The following CEP128 variants were observed in gnomAD, a reference collection of about 807,000 sequenced individuals.
CEP128 encodes centrosomal protein 128, also known as centrosomal protein 128kDa.
CEP128 carries 132 observed loss-of-function variants against 156.7 expected under a neutral mutation model. The observed-to-expected ratio is 0.84, with a 90% CI of 0.73 to 0.97. CEP128 has a LOEUF of 0.97. Ranked by LOEUF, CEP128 falls within the 50% of genes least tolerant of loss-of-function variation. The pLI, the probability that CEP128 is intolerant of heterozygous loss-of-function variation, is 0.00. For synonymous variants in CEP128, 469 were observed against 448.9 expected (o/e 1.04, Z -0.57); for missense variants, 1,252 against 1,281.9 (o/e 0.98, Z 0.36).
chr14:80,539,606 G>C (rs534690232), intron 21 of CEP128, among the ~76,000 whole-genome samples: 4 of 152,218 alleles, frequency 2.6e-5, no homozygotes, highest in African/African-American at 9.6e-5. Flanking sequence ...ATGTGTGTTT[G>C]AACAATATGA....
chr14:80,501,906 G>T lies in CEP128; in HGVS notation c.3181+3006C>A, dbSNP rs533124246. Among the ~76,000 whole-genome samples, 4 of 152,120 alleles carry T rather than the reference G, an allele frequency of 2.6e-5. No individual in the cohort carries two copies. In the South Asian group the frequency reaches 8.3e-4, roughly 32 times the overall value. ...CTCCATAAGACACGTCCACAAGTGT[G>T]CCTGTCAGTTTATCATTGCCACGGC... On this transcript the variant is annotated intron_variant, in intron 24 of 24. Coordinates refer to ENST00000555265, the MANE Select transcript of CEP128 (RefSeq NM_152446.5).
intron 13 of CEP128, among the ~76,000 whole-genome samples, chr14:80,809,276 A>G (rs1471848681): frequency 1.3e-5 from 2 of 152,168 alleles, no homozygotes; most frequent in Non-Finnish European, 2.9e-5. Context: ...AGCTGAAGAG[A>G]GAATCTCAGA....
At chr14:80,782,195 C>A (rs979051771) in intron 15 of CEP128, among the ~76,000 whole-genome samples, 1 of 152,162 alleles carries the variant, frequency 6.6e-6, no homozygotes, top group Non-Finnish European at 1.5e-5. Flanking sequence ...CCAATTAATG[C>A]CTTCACAATA....
intron 19 of CEP128, among the ~76,000 whole-genome samples, chr14:80,612,859 GT>G (rs1233035424): frequency 6.6e-6 from 1 of 151,618 alleles, no homozygotes; most frequent in Non-Finnish European, 1.5e-5. Flanking sequence ...TTTTGTTTTT[GT>G]TTTTTTCATC....
intron 19 of CEP128, among the ~76,000 whole-genome samples, chr14:80,704,853 A>C (rs1316900750): frequency 6.6e-6 from 1 of 151,854 alleles, no homozygotes; most frequent in Non-Finnish European, 1.5e-5. Context: ...TTTATTGTAG[A>C]AATTTTCAAG....
At position 80,526,984 on chromosome 14, in the gene CEP128, T is replaced by TG. The variant is rs749913063; in HGVS notation, c.2959-3dup. ...TCTCTCAGATGAACTGCAGGAATCC[T>TG]GGAAAAAAAAAAAAGCAAAGGGTCT... On this transcript the variant is annotated splice_region_variant and splice_polypyrimidine_tract_variant and intron_variant, in intron 22 of 24. Transcript: ENST00000555265. The TG allele has an allele frequency of 5.5e-6, 7 of 1,263,538 alleles. No individual in the cohort carries two copies. The Admixed American group carries it at 1.0e-4, about 19-fold the overall frequency. The allele number at this position is 1,263,538 out of a possible 1,614,324, so 78.3% of individuals were successfully genotyped here.
chr14:80,821,438 G>T (rs1329857178), intron 13 of CEP128, among the ~76,000 whole-genome samples: 4 of 152,010 alleles, frequency 2.6e-5, no homozygotes, highest in African/African-American at 4.8e-5. Flanking sequence ...TTTGTTTAGT[G>T]CCACCCTTTT....
rs773938920 is a variant in CEP128 at position 80,785,422 on chromosome 14, A to G, written c.1684T>C (p.Ser562Pro). Residue 562 changes from serine (S) to proline (P), a missense_variant, in exon 15 of 25, where the codon TCC becomes CCC. Transcript: ENST00000555265. ...KRALQEEELH[S>P]KEEKLRDIKS... ...ATATCACGTAATTTCTCCTCCTTGG[A>G]GTGAAGCTCCTCCTCCTGAAGGGCA... 2.5e-6 allele frequency: 4 copies of G among 1,614,048 alleles called. No homozygotes were observed. The Admixed American group carries it at 6.7e-5, about 27-fold the overall frequency.
intron 21 of CEP128, among the ~76,000 whole-genome samples, chr14:80,545,542 T>A (rs766507938): frequency 6.6e-6 from 1 of 152,206 alleles, no homozygotes; most frequent in Non-Finnish European, 1.5e-5. Flanking sequence ...AGTTCATGAC[T>A]GAGCAAACTG....
chr14:80,831,275 C>T lies in CEP128; in HGVS notation c.1077G>A (p.Gln359=). The T allele has an allele frequency of 6.2e-7, 1 of 1,613,942 alleles. No homozygotes were observed. The highest frequency in any genetic ancestry group is 1.1e-5 in the South Asian group (1 of 91,072). The change falls in exon 13 of 25, where the codon CAG becomes CAA. Residue 359 remains glutamine, a synonymous_variant. Coordinates refer to ENST00000555265, the MANE Select transcript of CEP128 (RefSeq NM_152446.5). ...AATCTGACATTTGCTTCTCCAGGTC[C>T]TGTTTTTCCCGCTCAACCCCTTAAA... ...RFRRGVEREK[Q]DLEKQMSDLR...
Position 80,657,590 on chromosome 14 carries a change from A to T in CEP128, c.2807-77167T>A, listed in dbSNP as rs1297720015. Among the ~76,000 whole-genome samples the T allele has an allele frequency of 1.3e-5, 2 of 151,346 alleles. 1 individual carries two copies. The highest frequency in any genetic ancestry group is 2.9e-5 in the Non-Finnish European group (2 of 67,844). On this transcript the variant is annotated intron_variant, in intron 19 of 24. Coordinates refer to ENST00000555265, the MANE Select transcript of CEP128 (RefSeq NM_152446.5). ...CGCTTGAACCCAGGAGTAAGAGGTC[A>T]TGGCGAGCAGAAATCACACCACTGC...
chr14:80,569,105 T>C (rs1378456230), intron 20 of CEP128, among the ~76,000 whole-genome samples: 1 of 152,202 alleles, frequency 6.6e-6, no homozygotes, highest in Non-Finnish European at 1.5e-5. Context: ...CTTAAAGTAA[T>C]TGAAAATGTT....
chr14:80,598,631 A>G (rs956600978), intron 19 of CEP128, among the ~76,000 whole-genome samples: 3 of 152,182 alleles, frequency 2.0e-5, no homozygotes, highest in Non-Finnish European at 4.4e-5. Context: ...TCTTAAGTCT[A>G]TATGGAAAGG....
At chr14:80,488,517 C>T (rs1489031705), downstream of CEP128, among the ~76,000 whole-genome samples, 1 of 151,176 alleles carries the variant, frequency 6.6e-6, no homozygotes, top group South Asian at 2.1e-4. Flanking sequence ...GAAATAGGAA[C>T]ACTTTTACAC....
Position 80,862,881 on chromosome 14 carries a change from A to G in CEP128, c.646-8T>C. 1.3e-6 allele frequency: 2 copies of G among 1,598,528 alleles called. No homozygotes were observed. The highest frequency in any genetic ancestry group is 4.5e-5 in the East Asian group (2 of 44,824). ...CTCCACCCGATCTGAAACCTTAATA[A>G]GAATTCAGAGAAACAGCAGCATTAT... On this transcript the variant is annotated splice_polypyrimidine_tract_variant and splice_region_variant and intron_variant, in intron 8 of 24. Coordinates refer to ENST00000555265, the MANE Select transcript of CEP128 (RefSeq NM_152446.5).
chr14:80,897,584 T>C (rs147208222), intron 7 of CEP128, among the ~76,000 whole-genome samples: 71 of 151,654 alleles, frequency 4.7e-4, no homozygotes, highest in African/African-American at 1.6e-3. Flanking sequence ...ACCATCTACC[T>C]AGTTATTCAA....
At chr14:80,710,751 T>C (rs1022524861) in intron 19 of CEP128, among the ~76,000 whole-genome samples, 3 of 152,122 alleles carry the variant, frequency 2.0e-5, no homozygotes, top group Admixed American at 2.0e-4. Context: ...TTTAATTGGA[T>C]ATTTTCTTGA....
intron 14 of CEP128, 98 bp from the exon 15 acceptor site, chr14:80,785,643 A>AG: frequency 1.2e-6 from 1 of 851,752 alleles, no homozygotes; most frequent in South Asian, 2.3e-5. Flanking sequence ...TTAACCCACA[A>AG]GGAAAAAAAA....
chr14:80,923,860 G>A (rs1885009191), intron 2 of CEP128, among the ~76,000 whole-genome samples: 2 of 152,162 alleles, frequency 1.3e-5, no homozygotes, highest in South Asian at 2.1e-4. Context: ...GATGGGAGGT[G>A]ACAGGATCAT....
Sources: allele counts gnomAD v4.1 joint callset (sites outside exome capture counted in the v4.1 genomes callset), GRCh38; gene constraint gnomAD v4.1.1; transcripts MANE v1.5; gene names NCBI Gene and HGNC (gene_info 2026-07-23, HGNC 2026-07-21).